Variants in FAM227B observed in about 807,000 individuals in gnomAD.
FAM227B encodes protein FAM227B.
In FAM227B, 88 loss-of-function variants were observed where a neutral mutation model predicts 73.8. The ratio of observed to expected loss-of-function variants is 1.19; its 90% CI spans 1.00 to 1.42. The LOEUF (loss-of-function observed/expected upper bound fraction) is 1.42, where lower values mean the gene tolerates loss of function less well. FAM227B is among the 40% of genes most tolerant of loss of function. FAM227B has a pLI of 0.00. For synonymous variants in FAM227B, 210 were observed against 190.5 expected, an observed-to-expected ratio of 1.10 and a Z score of -0.84; for missense variants, 632 against 590.9, an observed-to-expected ratio of 1.07 and a Z score of -0.72.
intron 13 of FAM227B, among the ~76,000 whole-genome samples, chr15:49,346,050 T>C (rs954578995): frequency 4.9e-5 from 5 of 101,086 alleles, no homozygotes; most frequent in Non-Finnish European, 1.2e-4. Flanking sequence ...TTGCTTTTGT[T>C]ATTTTTTTTT....
intron 9 of FAM227B, among the ~76,000 whole-genome samples, chr15:49,558,251 C>A (rs560701163): frequency 1.3e-5 from 2 of 152,336 alleles, no homozygotes; most frequent in Non-Finnish European, 1.5e-5. Flanking sequence ...CCAACCTGGG[C>A]TCCTAGTGCA....
Position 49,346,549 on chromosome 15 carries a change from C to A in FAM227B, c.1272-11053G>T, listed in dbSNP as rs2041533170. On this transcript the variant is annotated intron_variant, in intron 13 of 15. Coordinates refer to ENST00000299338, the MANE Select transcript of FAM227B (RefSeq NM_152647.3). ...AATAAATCTTTTCTCTTTTGCAAAA[C>A]CTGTGTCACAGTGATTGATTCACTG... Among the ~76,000 whole-genome samples, 3 of 152,078 alleles carry A rather than the reference C, an allele frequency of 2.0e-5. No individual in the cohort carries two copies. In the South Asian group the frequency reaches 6.2e-4, roughly 32 times the overall value.
intron 11 of FAM227B, chr15:49,395,989 A>T (rs1279175403): frequency 6.6e-6 from 3 of 456,018 alleles, no homozygotes; most frequent in South Asian, 4.6e-5. Flanking sequence ...ACTGGGGGCG[A>T]GGAGCCAAGA....
intron 11 of FAM227B, among the ~76,000 whole-genome samples, chr15:49,399,479 A>C (rs1408811753): frequency 6.7e-6 from 1 of 148,796 alleles, no homozygotes; most frequent in Non-Finnish European, 1.5e-5. Flanking sequence ...AAAAGAGGGA[A>C]TCCTCCCTAA....
intron 9 of FAM227B, among the ~76,000 whole-genome samples, chr15:49,564,656 C>G (rs1281146146): frequency 6.6e-6 from 1 of 152,068 alleles, no homozygotes; most frequent in East Asian, 1.9e-4. Context: ...TACTATACAG[C>G]TATAAAAAGG....
At chr15:49,553,497 G>A (rs1157556279) in intron 9 of FAM227B, among the ~76,000 whole-genome samples, 3 of 152,220 alleles carry the variant, frequency 2.0e-5, no homozygotes, top group Non-Finnish European at 4.4e-5. Flanking sequence ...AGCCAGGCCT[G>A]TGTCCTTCCC....
intron 9 of FAM227B, among the ~76,000 whole-genome samples, chr15:49,552,626 G>A (rs994536546): frequency 6.6e-6 from 1 of 151,886 alleles, no homozygotes; most frequent in African/African-American, 2.4e-5. Flanking sequence ...TTGCCCTTTT[G>A]AGGCTATTTT....
intron 11 of FAM227B, among the ~76,000 whole-genome samples, chr15:49,496,964 T>C (rs948310271): frequency 6.7e-6 from 1 of 150,342 alleles, no homozygotes; most frequent in Non-Finnish European, 1.5e-5. Context: ...CACACAGCTA[T>C]AGAGAAAGAG....
intron 11 of FAM227B, chr15:49,396,311 C>T (rs1345970915): frequency 1.0e-5 from 4 of 397,848 alleles, no homozygotes; most frequent in Non-Finnish European, 2.0e-5. Flanking sequence ...CGGCGCACCA[C>T]GAGATTATAT....
intron 10 of FAM227B, among the ~76,000 whole-genome samples, chr15:49,532,511 A>G (rs564330551): frequency 1.3e-5 from 2 of 152,016 alleles, no homozygotes; most frequent in East Asian, 3.9e-4. Flanking sequence ...AAAAATTGCA[A>G]ATAAAATAAT....
At chr15:49,391,548 G>C (rs1296989387) in intron 11 of FAM227B, among the ~76,000 whole-genome samples, 1 of 152,106 alleles carries the variant, frequency 6.6e-6, no homozygotes, top group Admixed American at 6.6e-5. Context: ...TATGAAATCT[G>C]ATTGCTCTTC....
At chr15:49,512,766 G>C (rs1021597763) in intron 10 of FAM227B, among the ~76,000 whole-genome samples, 1 of 151,834 alleles carries the variant, frequency 6.6e-6, no homozygotes, top group Non-Finnish European at 1.5e-5. Flanking sequence ...CTCCCCACTC[G>C]ACAGGCCCTG....
intron 11 of FAM227B, among the ~76,000 whole-genome samples, chr15:49,442,580 A>G (rs1567283578): frequency 1.3e-5 from 2 of 151,464 alleles, no homozygotes; most frequent in Non-Finnish European, 3.0e-5. Context: ...CCCTTTCCTT[A>G]TCCCTCACTC....
At chr15:49,551,986 T>C (rs1048328327) in intron 9 of FAM227B, among the ~76,000 whole-genome samples, 1 of 152,222 alleles carries the variant, frequency 6.6e-6, no homozygotes, top group Non-Finnish European at 1.5e-5. Context: ...TCCTCCTTTA[T>C]TTAGTCTTTC....
At chr15:49,392,101 T>C (rs1183173986) in intron 11 of FAM227B, among the ~76,000 whole-genome samples, 6 of 152,086 alleles carry the variant, frequency 3.9e-5, no homozygotes, top group Non-Finnish European at 8.8e-5. Context: ...TGATAAAACA[T>C]ATTACAGGTC....
At chr15:49,617,423 ATAAAT>A (rs1403966491) in intron 1 of FAM227B, among the ~76,000 whole-genome samples, 1 of 152,222 alleles carries the variant, frequency 6.6e-6, no homozygotes, top group African/African-American at 2.4e-5. Context: ...CAAATATGAT[ATAAAT>A]TATTCAACAA....
In FAM227B at chr15:49,610,719, G is replaced by A. The variant is rs547202524; in HGVS notation, c.105+496C>T. Among the ~76,000 whole-genome samples, 133 of 152,138 alleles carry A rather than the reference G, an allele frequency of 8.7e-4. 5 individuals carry two copies. In the South Asian group the frequency reaches 0.026, roughly 30 times the overall value. On this transcript the variant is annotated intron_variant, in intron 3 of 15. Transcript: ENST00000299338. ...CACACTTGCAGATGCATGGATCCAA[G>A]GGAAGACTTAGCAAGTCCAATAACC... is the stretch of plus-strand genomic sequence containing the variant.
At chr15:49,544,953 G>C (rs181626460) in intron 9 of FAM227B, among the ~76,000 whole-genome samples, 133 of 152,206 alleles carry the variant, frequency 8.7e-4, no homozygotes, top group Admixed American at 5.1e-3. Context: ...AAGAATATTG[G>C]TCTGTAGTTT....
At chr15:49,602,468 T>C (rs912360740) in intron 3 of FAM227B, among the ~76,000 whole-genome samples, 2 of 152,210 alleles carry the variant, frequency 1.3e-5, no homozygotes, top group African/African-American at 2.4e-5. Flanking sequence ...TATTCAAATA[T>C]TTCGCCCATT....
Sources: allele counts gnomAD v4.1 joint callset (sites outside exome capture counted in the v4.1 genomes callset), GRCh38; gene constraint gnomAD v4.1.1; transcripts MANE v1.5; gene names NCBI Gene and HGNC (gene_info 2026-07-23, HGNC 2026-07-21).